The following SOX13 variants were observed in gnomAD, a reference collection of about 807,000 sequenced individuals.
The protein encoded by SOX13 is transcription factor SOX-13.
Under a neutral mutation model 71.8 loss-of-function variants are expected in SOX13, and 28 were observed. The ratio of observed to expected loss-of-function variants is 0.39; its 90% CI spans 0.29 to 0.53. The LOEUF (loss-of-function observed/expected upper bound fraction) is 0.53, where lower values mean the gene tolerates loss of function less well. SOX13 is among the 20% of genes least tolerant of loss of function. The pLI is 0.70. For missense variants in SOX13, 627 were observed against 810.3 expected (o/e 0.77, Z 2.75); for synonymous variants, 309 against 317.8 (o/e 0.97, Z 0.29).
chr1:204,113,176 T>G, intron 2 of SOX13, 42 bp downstream of exon 2: 37 of 1,411,694 alleles, frequency 2.6e-5, no homozygotes, highest in Non-Finnish European at 3.3e-5. Context: ...ACCCATGCGC[T>G]GTACCTGGGC....
chr1:204,116,452 A>G (rs1656695902), intron 4 of SOX13, 55 bp from the exon 5 acceptor site: 1 of 1,612,914 alleles, frequency 6.2e-7, no homozygotes, highest in Admixed American at 1.7e-5. Context: ...AGATGGATGG[A>G]TGTATAGATG....
intron 1 of SOX13, among the ~76,000 whole-genome samples, chr1:204,080,527 T>C (rs1478657703): frequency 1.3e-5 from 2 of 151,910 alleles, no homozygotes; most frequent in Admixed American, 1.3e-4. Flanking sequence ...ACTGTTCTCC[T>C]CCCCTCTGCC....
intron 1 of SOX13, among the ~76,000 whole-genome samples, chr1:204,110,711 G>A (rs376720181): frequency 9.2e-5 from 14 of 152,108 alleles, no homozygotes; most frequent in East Asian, 5.8e-4. Flanking sequence ...TATACAATGC[G>A]TGTTTCATAA....
chr1:204,108,367 A>G (rs966709099), intron 1 of SOX13, among the ~76,000 whole-genome samples: 1 of 152,184 alleles, frequency 6.6e-6, no homozygotes, highest in Admixed American at 6.5e-5. Flanking sequence ...TAGTAGCCGC[A>G]TGGGGCAAGT....
Position 204,122,410 on chromosome 1 carries a change from T to C in SOX13, c.1024+11T>C, listed in dbSNP as rs1217066973. The C allele has an allele frequency of 6.4e-7, 1 of 1,564,722 alleles. No homozygotes were observed. The highest frequency in any genetic ancestry group is 8.7e-7 in the Non-Finnish European group (1 of 1,154,964). ...CGAGCCTGCCTCTGGGTAAGCCTCC[T>C]GCTGCCTGCACTTGTCCCTCAGCCC... On this transcript the variant is annotated intron_variant, in intron 9 of 13. Transcript: ENST00000367204.
At chr1:204,083,988 A>G (rs752185010) in intron 1 of SOX13, among the ~76,000 whole-genome samples, 5 of 152,156 alleles carry the variant, frequency 3.3e-5, no homozygotes, top group Non-Finnish European at 7.4e-5. Flanking sequence ...TCATAAGGGT[A>G]GGTCCCCTCC....
chr1:204,106,086 T>C lies in SOX13; in HGVS notation c.-1-6829T>C, dbSNP rs557261918. On this transcript the variant is annotated intron_variant, in intron 1 of 13. Transcript: ENST00000367204. The stretch of plus-strand genomic sequence containing the variant: ...AGGAGTAAAGGAACTTGAGGGATTA[T>C]TTTAGTTTCTGGAAAGTCTAAAGGG... Among the ~76,000 whole-genome samples, 380 of 152,334 alleles carry C rather than the reference T, an allele frequency of 2.5e-3. 3 individuals carry two copies. Among genetic ancestry groups the C allele is most frequent in the African/African-American group, 8.9e-3 (369 of 41,580 alleles).
chr1:204,104,636 C>T (rs1488418119), intron 1 of SOX13, among the ~76,000 whole-genome samples: 1 of 152,210 alleles, frequency 6.6e-6, no homozygotes, highest in African/African-American at 2.4e-5. Flanking sequence ...GGTGATGCCC[C>T]TTGGCACCAC....
intron 1 of SOX13, among the ~76,000 whole-genome samples, chr1:204,105,013 T>A (rs929340812): frequency 6.6e-5 from 10 of 152,028 alleles, no homozygotes; most frequent in African/African-American, 1.9e-4. Flanking sequence ...GTTGGTGGGG[T>A]TCAGAGGGGC....
At chr1:204,124,933 G>C in intron 13 of SOX13, 76 bp downstream of exon 13, 1 of 1,096,660 alleles carries the variant, frequency 9.1e-7, no homozygotes, top group Middle Eastern at 2.8e-4. Context: ...GGGTGTCAGT[G>C]TGTGGCCTGC....
intron 1 of SOX13, among the ~76,000 whole-genome samples, chr1:204,107,791 TACCAACTAAGGG>T (rs1656501101): frequency 6.6e-6 from 1 of 152,144 alleles, no homozygotes; most frequent in African/African-American, 2.4e-5. Flanking sequence ...GCCCAGAGGA[TACCAACTAAGGG>T]CCAGTGCCCA....
At position 204,123,896 on chromosome 1, in the gene SOX13, C is replaced by A; in HGVS notation, c.1375+92C>A. The A allele has an allele frequency of 7.2e-7, 1 of 1,382,648 alleles. No individual in the cohort carries two copies. Among genetic ancestry groups the A allele is most frequent in the South Asian group, 1.3e-5 (1 of 78,786 alleles). 85.6% of individuals were successfully genotyped at this position (1,382,648 alleles called of 1,614,324 possible). A position where few individuals can be genotyped will look rare whatever the true frequency, so the allele number is the denominator to read the frequency against. On this transcript the variant is annotated intron_variant, in intron 12 of 13. Transcript: ENST00000367204. The surrounding 1 kb of genome is among the most constrained non-coding windows in gnomAD (Gnocchi z 5.0). Reference sequence around the variant, plus strand: ...AGGGCTTGCTTGGTGATATTCCATACTGTGTTGGACTCCAGTGGAATCTGA... The same window carrying A: ...AGGGCTTGCTTGGTGATATTCCATAATGTGTTGGACTCCAGTGGAATCTGA...
intron 2 of SOX13, among the ~76,000 whole-genome samples, chr1:204,113,626 A>T (rs1198746952): frequency 1.3e-5 from 2 of 152,148 alleles, no homozygotes; most frequent in African/African-American, 2.4e-5. Flanking sequence ...GATTTCACAT[A>T]TGAGATGTAA....
chr1:204,103,485 T>G (rs1267169649), intron 1 of SOX13, among the ~76,000 whole-genome samples: 1 of 152,248 alleles, frequency 6.6e-6, no homozygotes, highest in African/African-American at 2.4e-5. Flanking sequence ...GTAGTGTTCT[T>G]GTGAGGATTA....
intron 1 of SOX13, among the ~76,000 whole-genome samples, chr1:204,100,572 A>G (rs1030605217): frequency 1.3e-5 from 2 of 152,194 alleles, no homozygotes; most frequent in Non-Finnish European, 2.9e-5. Flanking sequence ...GGAAAAACAA[A>G]CAGCCACCCA....
intron 1 of SOX13, among the ~76,000 whole-genome samples, chr1:204,096,898 G>A (rs994613700): frequency 6.6e-6 from 1 of 151,484 alleles, no homozygotes; most frequent in African/African-American, 2.4e-5. Context: ...TTTGATAATA[G>A]CCATCCTCTT....
At chr1:204,105,409 A>ATC (rs1217576531) in intron 1 of SOX13, among the ~76,000 whole-genome samples, 15 of 83,472 alleles carry the variant, frequency 1.8e-4, no homozygotes, top group African/African-American at 1.8e-4. Flanking sequence ...ACTCTGTATA[A>ATC]TCTCTTTTTT....
intron 9 of SOX13, chr1:204,122,612 A>C (rs969521819): frequency 3.3e-6 from 2 of 601,670 alleles, no homozygotes; most frequent in South Asian, 4.1e-5. Flanking sequence ...CCAGAGTCAC[A>C]TAGTTCCAGG....
At chr1:204,091,733 CGTGT>C (rs4018610) in intron 1 of SOX13, among the ~76,000 whole-genome samples, 44,265 of 150,250 alleles carry the variant, frequency 0.29, 7,173 homozygotes, top group South Asian at 0.43. Context: ...TGTGCGTGTG[CGTGT>C]GTGTGTGTGT....
Sources: gnomAD v4.1 joint callset for allele counts (sites outside exome capture counted in the v4.1 genomes callset) on GRCh38, gnomAD v4.1.1 for gene constraint, Gnocchi (gnomAD v3.1) non-coding constraint, MANE v1.5 for transcripts, NCBI Gene and HGNC (gene_info 2026-07-23, HGNC 2026-07-21) for gene names.